ARMC9: variants seen among roughly 807,000 people sequenced by gnomAD.
The protein encoded by ARMC9 is armadillo repeat containing 9, also known as lisH domain-containing protein ARMC9.
Under a neutral mutation model 107.0 loss-of-function variants are expected in ARMC9, and 94 were observed. The observed-to-expected ratio is 0.88, with a 90% CI of 0.74 to 1.04. The LOEUF is 1.04. Among genes scored for constraint, ARMC9 ranks in the 50% least tolerant of loss-of-function variants. The pLI, the probability that ARMC9 is intolerant of heterozygous loss-of-function variation, is 0.00. For missense variants in ARMC9, 942 were observed against 1,030.1 expected (o/e 0.91, Z 1.17); for synonymous variants, 380 against 396.9 (o/e 0.96, Z 0.51).
intron 9 of ARMC9, among the ~76,000 whole-genome samples, chr2:231,248,033 C>A (rs1277831966): frequency 6.6e-6 from 1 of 152,216 alleles, no homozygotes; most frequent in Non-Finnish European, 1.5e-5. Flanking sequence ...GACTTCTGGC[C>A]TCCCCATGAA....
intron 9 of ARMC9, among the ~76,000 whole-genome samples, chr2:231,251,600 T>C (rs1175770993): frequency 6.6e-6 from 1 of 152,238 alleles, no homozygotes; most frequent in South Asian, 2.1e-4. Context: ...TTGTGAGTGC[T>C]CTGAGAAGGG....
intron 12 of ARMC9, 126 bp downstream of exon 12, chr2:231,262,524 C>T: frequency 1.1e-6 from 1 of 925,860 alleles, no homozygotes; most frequent in Non-Finnish European, 1.7e-6. Flanking sequence ...CAGCCTTGAG[C>T]TCATGAGGTT....
chr2:231,237,175 C>CGTGT (rs58607252), intron 8 of ARMC9, among the ~76,000 whole-genome samples: 2,251 of 148,782 alleles, frequency 0.015, 39 homozygotes, highest in African/African-American at 0.033. Flanking sequence ...TCTGCGTATG[C>CGTGT]GTGTGTGTGT....
chr2:231,232,544 C>CA (rs1427923855), intron 7 of ARMC9, among the ~76,000 whole-genome samples: 1 of 151,018 alleles, frequency 6.6e-6, no homozygotes, highest in African/African-American at 2.4e-5. Flanking sequence ...CTCCACCTCC[C>CA]AGGTTCAAGC....
At chr2:231,309,506 TAATA>T (rs545515408) in intron 19 of ARMC9, among the ~76,000 whole-genome samples, 81 of 152,288 alleles carry the variant, frequency 5.3e-4, no homozygotes, top group African/African-American at 1.9e-3. Flanking sequence ...AATATTTATT[TAATA>T]AATAAATACG....
intron 19 of ARMC9, among the ~76,000 whole-genome samples, chr2:231,328,619 T>C (rs1017536116): frequency 6.6e-6 from 1 of 151,988 alleles, no homozygotes; most frequent in African/African-American, 2.4e-5. Flanking sequence ...TGTACCTTAG[T>C]CTAAAACCCA....
At chr2:231,199,201 T>G (rs1346134176) in intron 1 of ARMC9, among the ~76,000 whole-genome samples, 1 of 152,242 alleles carries the variant, frequency 6.6e-6, no homozygotes, top group South Asian at 2.1e-4. Flanking sequence ...TAAATCTTTC[T>G]TATATAGGAA....
rs748645854 is a variant in ARMC9, at chr2:231,276,787, G to A, written c.1474+12G>A. 19 of 1,613,312 alleles carry A rather than the reference G, an allele frequency of 1.2e-5. No homozygotes were observed. Among genetic ancestry groups the A allele is most frequent in the Middle Eastern group, 1.7e-4 (1 of 6,054 alleles). On this transcript the variant is annotated intron_variant, in intron 15 of 24. Transcript: ENST00000611582. ...CCTCCGCAGCACAGGTCTCAGCCCC[G>A]ACCCTCATTCTAGTGCAAGAAGGGG...
intron 9 of ARMC9, among the ~76,000 whole-genome samples, chr2:231,243,976 G>A (rs191311642): frequency 1.2e-4 from 19 of 152,154 alleles, no homozygotes; most frequent in African/African-American, 4.6e-4. Flanking sequence ...CCCAACAGAA[G>A]GCCATCAATT....
In ARMC9 at chr2:231,239,634, A is replaced by C. The variant is rs78655046; in HGVS notation, c.781-309A>C. On this transcript the variant is annotated intron_variant, in intron 8 of 24. Transcript: ENST00000611582. ...AGTGACTTTGTTACATGAATTTACC[A>C]AAGTGGTTTAGGATCTGTTTATTCT... 1.4e-4 allele frequency among the ~76,000 whole-genome samples: 22 copies of C among 152,264 alleles called. No homozygotes were observed. In the East Asian group the frequency reaches 4.2e-3, roughly 29 times the overall value.
chr2:231,242,424 A>C (rs185273375), intron 9 of ARMC9, among the ~76,000 whole-genome samples: 2 of 152,144 alleles, frequency 1.3e-5, no homozygotes, highest in African/African-American at 4.8e-5. Context: ...TAGTGTGCCA[A>C]AATCTTAGAG....
At chr2:231,208,014 G>C (rs571277526) in intron 2 of ARMC9, 113 bp from the exon 3 acceptor site, 1 of 582,004 alleles carries the variant, frequency 1.7e-6, no homozygotes, top group East Asian at 3.0e-5. Flanking sequence ...TCATGTATCT[G>C]TTGGTCTTTT....
Position 231,291,393 on chromosome 2 carries a change from A to G in ARMC9, c.1667A>G (p.Asn556Ser). ...CTACGCTGCTTCATCAAAGAAGGCA[A>G]TGCTGAAATGATCCGCCAGATAGAA... Reference protein sequence around the residue: ...DILRCFIKEGNAEMIRQIEFI... With the variant: ...DILRCFIKEGSAEMIRQIEFI... Residue 556 changes from asparagine (N) to serine (S), a missense_variant, in exon 18 of 25, where the codon AAT becomes AGT. Transcript: ENST00000611582. The G allele has an allele frequency of 1.9e-6, 3 of 1,613,858 alleles. No homozygotes were observed. Among genetic ancestry groups the G allele is most frequent in the Non-Finnish European group, 2.5e-6 (3 of 1,179,840 alleles).
chr2:231,352,599 C>G (rs1290881237), intron 21 of ARMC9, among the ~76,000 whole-genome samples: 2 of 151,296 alleles, frequency 1.3e-5, no homozygotes, highest in African/African-American at 4.9e-5. Context: ...GCTGGGATTA[C>G]AGGCGTGAGC....
intron 13 of ARMC9, among the ~76,000 whole-genome samples, chr2:231,271,425 G>A (rs912780310): frequency 3.2e-4 from 48 of 152,084 alleles, no homozygotes; most frequent in Non-Finnish European, 4.3e-4. Context: ...AAACAATTAC[G>A]GCAAAATAAG....
intron 19 of ARMC9, among the ~76,000 whole-genome samples, chr2:231,300,015 G>A (rs1243843527): frequency 1.3e-5 from 2 of 152,140 alleles, no homozygotes. Context: ...GTTACAAAAG[G>A]GCTGTTGGTA....
chr2:231,199,270 C>T (rs552944473), intron 1 of ARMC9, among the ~76,000 whole-genome samples: 2 of 152,326 alleles, frequency 1.3e-5, no homozygotes, highest in East Asian at 3.9e-4. Context: ...TTAGTTTCCG[C>T]ATAAAGGAGA....
intron 23 of ARMC9, among the ~76,000 whole-genome samples, chr2:231,367,162 T>C (rs1174581491): frequency 6.6e-6 from 1 of 152,100 alleles, no homozygotes; most frequent in East Asian, 1.9e-4. Flanking sequence ...CAAAACAAAT[T>C]TTAAAAAATT....
chr2:231,230,852 C>T (rs148641152), intron 7 of ARMC9, among the ~76,000 whole-genome samples: 82 of 152,310 alleles, frequency 5.4e-4, no homozygotes, highest in African/African-American at 1.9e-3. Flanking sequence ...AGTACAGGTG[C>T]TTCTTTTCCC....
Sources: gnomAD v4.1 joint callset for allele counts (sites outside exome capture counted in the v4.1 genomes callset) on GRCh38, gnomAD v4.1.1 for gene constraint, MANE v1.5 for transcripts, NCBI Gene and HGNC (gene_info 2026-07-23, HGNC 2026-07-21) for gene names.